The following FGF13 variants were observed in gnomAD, a reference collection of about 807,000 sequenced individuals.
FGF13 encodes fibroblast growth factor 13.
A neutral mutation model predicts 19.5 loss-of-function variants in FGF13; 2 were observed. The observed-to-expected ratio is 0.10, with a 90% CI of 0.04 to 0.32. The LOEUF (loss-of-function observed/expected upper bound fraction) is 0.32, where lower values mean the gene tolerates loss of function less well. FGF13 is among the 10% of genes least tolerant of loss of function. The probability of loss-of-function intolerance (pLI) is 1.00; values close to 1 mark genes in which losing one functional copy is unlikely to be tolerated. For missense variants in FGF13, 113 were observed against 192.7 expected (o/e 0.59, Z 2.45); for synonymous variants, 72 against 76.9 (o/e 0.94, Z 0.33).
At chrX:139,017,352 T>TATATATAC (rs1556336371) in intron 1 of FGF13, among the ~76,000 whole-genome samples, 67 of 107,409 alleles carry the variant, frequency 6.2e-4, no homozygotes, top group African/African-American at 2.2e-3. Context: ...TATATATATA[T>TATATATAC]ACACACACAC....
Position 138,630,410 on chromosome X carries a change from T to TAATA in FGF13, c.*2436_*2439dup, listed in dbSNP as rs2089104745. 1 of 110,806 alleles carries TAATA rather than the reference T, an allele frequency of 9.0e-6. No homozygotes were observed. The highest frequency in any genetic ancestry group is 3.3e-5 in the African/African-American group (1 of 30,436). The allele number at this position is 110,806 out of a possible 1,213,427, so 9.1% of individuals were successfully genotyped here. A position where few individuals can be genotyped will look rare whatever the true frequency, so the allele number is the denominator to read the frequency against. ...CTACTGATTGAAAATTAGTAAGAGT[T>TAATA]AATAGGGAGAGGTGGTTGAGTGAGC... On this transcript the variant is annotated 3_prime_UTR_variant, in exon 5 of 5. Coordinates refer to ENST00000315930, the MANE Select transcript of FGF13 (RefSeq NM_004114.5).
chrX:138,938,502 T>C (rs1365115645), intron 1 of FGF13, among the ~76,000 whole-genome samples: 1 of 110,921 alleles, frequency 9.0e-6, no homozygotes, highest in Non-Finnish European at 1.9e-5. Context: ...CAGGCATATA[T>C]AAAAGGAAGC....
At chrX:138,877,992 T>G (rs1242352329) in intron 1 of FGF13, among the ~76,000 whole-genome samples, 1 of 111,385 alleles carries the variant, frequency 9.0e-6, no homozygotes, top group Non-Finnish European at 1.9e-5. Flanking sequence ...TTTAGCAATT[T>G]GAAGAGCTGC....
At chrX:138,745,095 G>A (rs1266323474) in intron 3 of FGF13, among the ~76,000 whole-genome samples, 3 of 111,922 alleles carry the variant, frequency 2.7e-5, no homozygotes, top group Admixed American at 9.5e-5. Flanking sequence ...GTTAAAAGCA[G>A]CATAGTGCAT....
chrX:138,978,554 G>T (rs370993098), intron 1 of FGF13, among the ~76,000 whole-genome samples: 1 of 112,407 alleles, frequency 8.9e-6, no homozygotes, highest in African/African-American at 3.2e-5. Flanking sequence ...GAGCCACCGC[G>T]CCCGGCCCCT....
In FGF13 at chrX:139,015,330, C is replaced by A. The variant is rs139974005; in HGVS notation, c.-112-150680G>T. Among the ~76,000 whole-genome samples the A allele has an allele frequency of 1.4e-4, 16 of 110,731 alleles. No homozygotes were observed. In the East Asian group the frequency reaches 4.6e-3, roughly 32 times the overall value. ...ATTTGGAAAAACCTACTAAAGACTT[C>A]ATGAAAAAAATTGTTAGAAATGATA... is the stretch of plus-strand genomic sequence containing the variant. On this transcript the variant is annotated intron_variant, in intron 1 of 2. Coordinates refer to the FGF13 transcript ENST00000421460.
intron 3 of FGF13, among the ~76,000 whole-genome samples, chrX:138,826,000 G>T (rs1268426103): frequency 9.0e-6 from 1 of 111,399 alleles, no homozygotes; most frequent in Non-Finnish European, 1.9e-5. Context: ...CTATGAGGAC[G>T]TCTAGACCTC....
chrX:138,928,241 C>A (rs1457435371), intron 1 of FGF13, among the ~76,000 whole-genome samples: 1 of 109,790 alleles, frequency 9.1e-6, no homozygotes, highest in East Asian at 2.8e-4. Context: ...TTTCCTGAAT[C>A]CTCCAGACTG....
At chrX:138,855,830 T>C (rs908264364), downstream of FGF13, among the ~76,000 whole-genome samples, 4 of 111,984 alleles carry the variant, frequency 3.6e-5, no homozygotes, top group African/African-American at 9.7e-5. Context: ...TTTTAAAATC[T>C]GAAATATTGT....
intron 3 of FGF13, among the ~76,000 whole-genome samples, chrX:138,694,995 AC>A (rs1435735417): frequency 2.7e-5 from 2 of 72,757 alleles, no homozygotes; most frequent in Non-Finnish European, 5.4e-5. Context: ...AAACACACAC[AC>A]ACACACACAC....
intron 1 of FGF13, among the ~76,000 whole-genome samples, chrX:139,185,403 T>C (rs1264628685): frequency 8.9e-6 from 1 of 112,293 alleles, no homozygotes; most frequent in Non-Finnish European, 1.9e-5. Context: ...GTTGATCATA[T>C]AATCTAACTT....
intron 3 of FGF13, among the ~76,000 whole-genome samples, chrX:138,802,142 A>G (rs1011136826): frequency 1.8e-5 from 2 of 111,410 alleles, no homozygotes; most frequent in Admixed American, 9.5e-5. Flanking sequence ...GGGTATGAAA[A>G]CAAAAACAAA....
intron 1 of FGF13, among the ~76,000 whole-genome samples, chrX:138,732,705 T>G (rs1407987860): frequency 9.0e-6 from 1 of 110,721 alleles, no homozygotes; most frequent in African/African-American, 3.3e-5. Flanking sequence ...CTGATAAAAG[T>G]ACTTAACATC....
At chrX:138,691,337 T>A (rs942143964) in intron 3 of FGF13, among the ~76,000 whole-genome samples, 1 of 112,047 alleles carries the variant, frequency 8.9e-6, no homozygotes, top group Non-Finnish European at 1.9e-5. Flanking sequence ...CCAAGCACTC[T>A]AAAGAGGACT....
chrX:139,041,270 T>C (rs1387717680), intron 1 of FGF13, among the ~76,000 whole-genome samples: 1 of 111,187 alleles, frequency 9.0e-6, no homozygotes, highest in African/African-American at 3.3e-5. Flanking sequence ...CAACCTTCAG[T>C]AGAGCAATAT....
At chrX:138,788,024 C>T (rs1372929480) in intron 3 of FGF13, among the ~76,000 whole-genome samples, 1 of 111,624 alleles carries the variant, frequency 9.0e-6, no homozygotes, top group Non-Finnish European at 1.9e-5. Context: ...TTCAAACCAA[C>T]CCCCAAATTC....
intron 1 of FGF13, among the ~76,000 whole-genome samples, chrX:139,084,447 A>G (rs1214991749): frequency 9.0e-6 from 1 of 111,708 alleles, no homozygotes; most frequent in Non-Finnish European, 1.9e-5. Flanking sequence ...TTCACTCCTT[A>G]GATGCTCTCC....
At chrX:139,092,810 C>A (rs1415312514) in intron 1 of FGF13, among the ~76,000 whole-genome samples, 1 of 111,586 alleles carries the variant, frequency 9.0e-6, no homozygotes. Flanking sequence ...CTACTCAGAG[C>A]AATCTGCACT....
rs956693638 is a variant in FGF13 at position 138,788,928 on chromosome X, C to G, written c.217+68584G>C. Among the ~76,000 whole-genome samples the G allele has an allele frequency of 1.3e-4, 15 of 111,838 alleles. No homozygotes were observed. In the Admixed American group the frequency reaches 1.4e-3, roughly 11 times the overall value. On this transcript the variant is annotated intron_variant, in intron 3 of 6. Transcript: ENST00000436198. ...GTGAGAAGGAACCAAACTGCTCATTCAACAGTTTGTGTAGAAATGTGCTCA... is the reference window on the plus strand; with the variant it reads ...GTGAGAAGGAACCAAACTGCTCATTGAACAGTTTGTGTAGAAATGTGCTCA...
Sources: gnomAD v4.1 joint callset for allele counts (sites outside exome capture counted in the v4.1 genomes callset) on GRCh38, gnomAD v4.1.1 for gene constraint, MANE v1.5 for transcripts, NCBI Gene and HGNC (gene_info 2026-07-23, HGNC 2026-07-21) for gene names.